Variants in SCAPER observed in about 807,000 individuals in gnomAD.
SCAPER encodes the protein S-phase cyclin A associated protein in the ER, also known as S phase cyclin A-associated protein in the endoplasmic reticulum.
Under a neutral mutation model 182.2 loss-of-function variants are expected in SCAPER, and 98 were observed. That is an observed-to-expected ratio of 0.54 (90% CI 0.46 to 0.64). SCAPER has a LOEUF of 0.64. Among genes scored for constraint, SCAPER ranks in the 30% least tolerant of loss-of-function variants. SCAPER has a pLI of 0.00. For synonymous variants in SCAPER, 605 were observed against 564.6 expected (o/e 1.07, Z -1.01); for missense variants, 1,432 against 1,690.0 (o/e 0.85, Z 2.68).
rs1489265235 is a variant in SCAPER, at chr15:76,504,905, C to T, written c.2908G>A (p.Val970Ile). The T allele has an allele frequency of 8.7e-6, 14 of 1,612,678 alleles. No homozygotes were observed. The highest frequency in any genetic ancestry group is 4.0e-5 in the African/African-American group (3 of 74,854). Residue 970 changes from valine (V) to isoleucine (I), a missense_variant, in exon 24 of 32, where the codon GTA (valine) becomes ATA (isoleucine). Transcript: ENST00000563290. ...GTGTTCACATTTGTGGCTGGGACTACTGCTTGAAGGATGTGTTCAAGGGCT... is the reference window on the plus strand; with the variant it reads ...GTGTTCACATTTGTGGCTGGGACTATTGCTTGAAGGATGTGTTCAAGGGCT... ...LTALEHILQAVVPATNVNTVL... is the reference protein window; with the variant it reads ...LTALEHILQAIVPATNVNTVL...
At chr15:76,696,967 G>A (rs1465767843) in intron 20 of SCAPER, among the ~76,000 whole-genome samples, 1 of 152,138 alleles carries the variant, frequency 6.6e-6, no homozygotes, top group East Asian at 1.9e-4. Context: ...TTACTCAGCA[G>A]CTACCTACTA....
intron 8 of SCAPER, among the ~76,000 whole-genome samples, chr15:76,783,608 C>T (rs1462974542): frequency 6.6e-6 from 1 of 152,090 alleles, no homozygotes; most frequent in Non-Finnish European, 1.5e-5. Context: ...GACCAATCTC[C>T]CTGATGGACA....
At chr15:76,458,352 T>C (rs1596740838) in intron 25 of SCAPER, among the ~76,000 whole-genome samples, 1 of 151,982 alleles carries the variant, frequency 6.6e-6, no homozygotes, top group African/African-American at 2.4e-5. Flanking sequence ...AGAGAGAGAA[T>C]ATTTTGAAAG....
intron 21 of SCAPER, among the ~76,000 whole-genome samples, chr15:76,643,396 T>A (rs527376092): frequency 6.6e-6 from 1 of 152,274 alleles, no homozygotes; most frequent in Admixed American, 6.5e-5. Flanking sequence ...AAAGTCATCA[T>A]TCTGGCCAGG....
intron 8 of SCAPER, among the ~76,000 whole-genome samples, chr15:76,778,997 T>C (rs1253646852): frequency 6.6e-6 from 1 of 151,912 alleles, no homozygotes; most frequent in African/African-American, 2.4e-5. Flanking sequence ...AAAAAATATA[T>C]TGGATAATGA....
intron 9 of SCAPER, among the ~76,000 whole-genome samples, chr15:76,773,718 A>G (rs976815225): frequency 3.3e-5 from 5 of 151,928 alleles, no homozygotes; most frequent in Admixed American, 2.6e-4. Context: ...TCATCAGTAA[A>G]GGAAGATAAG....
In SCAPER at chr15:76,388,078, A is replaced by T. The variant is rs189907002; in HGVS notation, c.3468-6463T>A. The stretch of plus-strand genomic sequence containing the variant: ...AAGTACTGTGTCCAGCACTGGGTGC[A>T]GCGCTAATTCAGCACACAGAGGTAT... On this transcript the variant is annotated intron_variant, in intron 27 of 31. Coordinates refer to ENST00000563290, the MANE Select transcript of SCAPER (RefSeq NM_020843.4). 2.8e-3 allele frequency among the ~76,000 whole-genome samples: 428 copies of T among 152,350 alleles called. 1 individual carries two copies. Among genetic ancestry groups the T allele is most frequent in the South Asian group, 7.5e-3 (36 of 4,832 alleles).
intron 25 of SCAPER, among the ~76,000 whole-genome samples, chr15:76,466,064 C>T (rs972476496): frequency 4.6e-5 from 7 of 152,004 alleles, no homozygotes; most frequent in Non-Finnish European, 1.0e-4. Flanking sequence ...TTATGTTGAT[C>T]TTATTTGGGG....
At chr15:76,496,009 C>T (rs1427659100) in intron 24 of SCAPER, among the ~76,000 whole-genome samples, 1 of 139,356 alleles carries the variant, frequency 7.2e-6, no homozygotes, top group Non-Finnish European at 1.5e-5. Context: ...CACACACACA[C>T]ACACACACAC....
At chr15:76,570,838 A>C (rs2047385315) in intron 23 of SCAPER, among the ~76,000 whole-genome samples, 1 of 152,036 alleles carries the variant, frequency 6.6e-6, no homozygotes, top group African/African-American at 2.4e-5. Context: ...TCAATCTAGG[A>C]CAACTTTAAA....
At chr15:76,771,373 A>G (rs746052960) in intron 10 of SCAPER, among the ~76,000 whole-genome samples, 5 of 152,110 alleles carry the variant, frequency 3.3e-5, no homozygotes, top group Admixed American at 6.5e-5. Context: ...CTCTGTTAAG[A>G]AAGTTTTTAA....
chr15:76,803,284 T>C (rs1329457006), intron 6 of SCAPER, among the ~76,000 whole-genome samples: 2 of 152,208 alleles, frequency 1.3e-5, no homozygotes, highest in Non-Finnish European at 2.9e-5. Context: ...CACATGCTGT[T>C]AGCATTATCT....
At position 76,574,170 on chromosome 15, in the gene SCAPER, T is replaced by G. The variant is rs1424793889; in HGVS notation, c.2826A>C (p.Ile942=). ...LDRTLGEITR[I]LEKENVADQI... ...ATTAGTTACACACCTCTTTTTCCAG[T>G]ATTCTAGTGATCTCTCCTAGGGTCC... is the stretch of plus-strand genomic sequence containing the variant. The change falls in exon 23 of 32, where the codon ATA becomes ATC. Residue 942 remains isoleucine, a synonymous_variant. Transcript: ENST00000563290. The G allele has an allele frequency of 6.2e-7, 1 of 1,604,430 alleles. No individual in the cohort carries two copies. Among genetic ancestry groups the G allele is most frequent in the Non-Finnish European group, 8.5e-7 (1 of 1,175,988 alleles).
chr15:76,458,663 T>A (rs1268325330), intron 25 of SCAPER, among the ~76,000 whole-genome samples: 2 of 152,188 alleles, frequency 1.3e-5, no homozygotes, highest in Non-Finnish European at 1.5e-5. Flanking sequence ...CATTTCTAGG[T>A]GCTGGGAACA....
intron 25 of SCAPER, among the ~76,000 whole-genome samples, chr15:76,439,752 C>G (rs976802087): frequency 3.3e-5 from 5 of 152,134 alleles, no homozygotes; most frequent in Non-Finnish European, 7.4e-5. Context: ...TGTGGAGGGG[C>G]AGGGGAAGGT....
intron 27 of SCAPER, among the ~76,000 whole-genome samples, chr15:76,399,643 T>A (rs970107737): frequency 2.6e-5 from 4 of 152,206 alleles, no homozygotes; most frequent in African/African-American, 9.7e-5. Flanking sequence ...CTATTGCTTT[T>A]CTATCCCAAG....
intron 14 of SCAPER, among the ~76,000 whole-genome samples, chr15:76,761,412 A>G (rs1052913574): frequency 6.6e-6 from 1 of 152,126 alleles, no homozygotes; most frequent in Non-Finnish European, 1.5e-5. Context: ...TCTGTGAGTT[A>G]GAAAACTAGT....
chr15:76,389,577 G>A (rs1223944796), intron 27 of SCAPER, among the ~76,000 whole-genome samples: 1 of 148,114 alleles, frequency 6.8e-6, no homozygotes. Flanking sequence ...ACTTTGGGAG[G>A]CCGAGGCGGG....
chr15:76,770,018 G>A (rs1245061297), intron 10 of SCAPER, among the ~76,000 whole-genome samples: 1 of 152,122 alleles, frequency 6.6e-6, no homozygotes, highest in African/African-American at 2.4e-5. Context: ...GGAATACTAT[G>A]CAGCCATAAA....
Sources: gnomAD v4.1 joint callset for allele counts (sites outside exome capture counted in the v4.1 genomes callset) on GRCh38, gnomAD v4.1.1 for gene constraint, MANE v1.5 for transcripts, NCBI Gene and HGNC (gene_info 2026-07-23, HGNC 2026-07-21) for gene names.